KAZN: variants seen among roughly 807,000 people sequenced by gnomAD.
KAZN encodes the protein kazrin, periplakin interacting protein, also known as kazrin.
Under a neutral mutation model 87.4 loss-of-function variants are expected in KAZN, and 40 were observed. The observed-to-expected ratio is 0.46, with a 90% CI of 0.36 to 0.60. The LOEUF (loss-of-function observed/expected upper bound fraction) is 0.60, where lower values mean the gene tolerates loss of function less well. KAZN is among the 20% of genes least tolerant of loss of function. KAZN has a pLI of 0.00. For missense variants in KAZN, 898 were observed against 1,073.9 expected, an observed-to-expected ratio of 0.84 and a Z score of 2.29; for synonymous variants, 466 against 458.3, an observed-to-expected ratio of 1.02 and a Z score of -0.22.
At chr1:14,526,981 C>T (rs557052558) in intron 2 of KAZN, among the ~76,000 whole-genome samples, 1 of 152,324 alleles carries the variant, frequency 6.6e-6, no homozygotes, top group South Asian at 2.1e-4. Context: ...AAATTCAATC[C>T]TCCTCTTATA....
At chr1:14,743,095 A>T (rs1644157288) in intron 1 of KAZN, among the ~76,000 whole-genome samples, 1 of 152,170 alleles carries the variant, frequency 6.6e-6, no homozygotes, top group Admixed American at 6.5e-5. Flanking sequence ...AGGCATGAAG[A>T]GGCCAGGAGT....
intron 1 of KAZN, among the ~76,000 whole-genome samples, chr1:14,959,716 G>A (rs757430102): frequency 2.0e-4 from 30 of 152,214 alleles, no homozygotes; most frequent in South Asian, 1.0e-3. Context: ...GTAGCCTGGC[G>A]CCTGTGCACA....
chr1:14,463,895 G>A (rs972220633), intron 2 of KAZN, among the ~76,000 whole-genome samples: 1 of 152,200 alleles, frequency 6.6e-6, no homozygotes, highest in African/African-American at 2.4e-5. Flanking sequence ...TGGTGACCCA[G>A]GCATTCCCAG....
intron 1 of KAZN, among the ~76,000 whole-genome samples, chr1:14,157,187 T>G (rs1043490486): frequency 1.3e-5 from 2 of 152,196 alleles, no homozygotes; most frequent in Admixed American, 1.3e-4. Flanking sequence ...TATATCTTAT[T>G]GTACTGTCTA....
chr1:14,717,919 C>T (rs1314783200), intron 1 of KAZN, among the ~76,000 whole-genome samples: 4 of 152,216 alleles, frequency 2.6e-5, no homozygotes, highest in African/African-American at 9.6e-5. Flanking sequence ...ACCATCTTGC[C>T]TGCTGTTCCC....
At position 14,695,510 on chromosome 1, in the gene KAZN, C is replaced by CTTTTTTTTTTTTTTTTTTTTTTTTT. The variant is rs112667110; in HGVS notation, c.226+96302_226+96303insTTTTTTTTTTTTTTTTTTTTTTTTT. Among the ~76,000 whole-genome samples, 153 of 85,028 alleles carry CTTTTTTTTTTTTTTTTTTTTTTTTT rather than the reference C, an allele frequency of 1.8e-3. 16 individuals are homozygous for CTTTTTTTTTTTTTTTTTTTTTTTTT. Among genetic ancestry groups the CTTTTTTTTTTTTTTTTTTTTTTTTT allele is most frequent in the African/African-American group, 2.3e-3 (63 of 27,578 alleles). The allele number at this position is 85,028 out of a possible 152,430, so 55.8% of individuals were successfully genotyped here. A position where few individuals can be genotyped will look rare whatever the true frequency, so the allele number is the denominator to read the frequency against. On this transcript the variant is annotated intron_variant, in intron 1 of 14. Coordinates refer to ENST00000376030, the MANE Select transcript of KAZN (RefSeq NM_201628.3). ...CCTCTTTCCCCAGACTACATTCCATCTTTTTTTTTTTTTTTGATGGAGTCT... is the reference window on the plus strand; with the variant it reads ...CCTCTTTCCCCAGACTACATTCCATCTTTTTTTTTTTTTTTTTTTTTTTTTTTTTTTTTTTTTTTTGATGGAGTCT...
chr1:14,274,305 T>G (rs547619927), intron 2 of KAZN, among the ~76,000 whole-genome samples: 2 of 152,290 alleles, frequency 1.3e-5, no homozygotes, highest in South Asian at 4.1e-4. Context: ...TGCCTTAATG[T>G]TTTGTATCTC....
chr1:14,331,781 A>G (rs558364034), intron 2 of KAZN, among the ~76,000 whole-genome samples: 8 of 152,276 alleles, frequency 5.3e-5, no homozygotes, highest in Admixed American at 1.3e-4. Context: ...AGGAATAAAT[A>G]ACCATTTTCC....
At chr1:14,339,565 C>G (rs1657528888) in intron 2 of KAZN, among the ~76,000 whole-genome samples, 1 of 152,072 alleles carries the variant, frequency 6.6e-6, no homozygotes, top group Admixed American at 6.6e-5. Flanking sequence ...TGTTCGAGCT[C>G]AAAAGCAGGA....
intron 1 of KAZN, among the ~76,000 whole-genome samples, chr1:14,146,057 C>T (rs1645342322): frequency 6.6e-6 from 1 of 152,132 alleles, no homozygotes; most frequent in East Asian, 1.9e-4. Context: ...TTCTGAGGAT[C>T]TCTGTCCTCT....
At chr1:14,258,752 C>T (rs1007922527) in intron 2 of KAZN, among the ~76,000 whole-genome samples, 1 of 152,198 alleles carries the variant, frequency 6.6e-6, no homozygotes, top group African/African-American at 2.4e-5. Flanking sequence ...ACCTGTCTGT[C>T]AAGCCTCTGT....
intron 8 of KAZN, among the ~76,000 whole-genome samples, chr1:15,076,929 G>A (rs369144555): frequency 6.6e-6 from 1 of 152,278 alleles, no homozygotes; most frequent in African/African-American, 2.4e-5. Flanking sequence ...ACACTTACTC[G>A]CCTCATTTCA....
chr1:13,946,726 C>T (rs1570356762), intron 1 of KAZN, among the ~76,000 whole-genome samples: 1 of 152,154 alleles, frequency 6.6e-6, no homozygotes, highest in East Asian at 1.9e-4. Flanking sequence ...GTATTATGAT[C>T]CTGAGGTCAC....
intron 2 of KAZN, among the ~76,000 whole-genome samples, chr1:14,353,341 C>T (rs1172914987): frequency 3.0e-5 from 2 of 66,854 alleles, no homozygotes; most frequent in Non-Finnish European, 5.7e-5. Context: ...TCTCCTGCCT[C>T]AGCCTCCCAA....
chr1:14,375,844 C>T (rs944207370), intron 2 of KAZN, among the ~76,000 whole-genome samples: 10 of 151,854 alleles, frequency 6.6e-5, no homozygotes, highest in African/African-American at 9.7e-5. Context: ...GCGGAGATCA[C>T]GCCACTGCAC....
rs919046678 is a variant in KAZN at position 14,773,835 on chromosome 1, TC to T, written c.226+174616del. 1.7e-4 allele frequency among the ~76,000 whole-genome samples: 26 copies of T among 151,838 alleles called. No individual in the cohort carries two copies. Among genetic ancestry groups the T allele is most frequent in the Admixed American group, 1.4e-3 (22 of 15,250 alleles). ...CCAGGCCAGGCCTGCTCTCCTCCCC[TC>T]CCCTCCAAAGAAAACACCATCTTTC... On this transcript the variant is annotated intron_variant, in intron 1 of 14. Coordinates refer to ENST00000376030, the MANE Select transcript of KAZN (RefSeq NM_201628.3). The surrounding 1 kb of genome is among the most constrained non-coding windows in gnomAD (Gnocchi z 5.9).
chr1:14,851,812 G>A lies in KAZN; in HGVS notation c.227-108872G>A, dbSNP rs74059613. Among the ~76,000 whole-genome samples the A allele has an allele frequency of 1.3e-3, 202 of 152,244 alleles. 1 individual carries two copies. Among genetic ancestry groups the A allele is most frequent in the African/African-American group, 4.5e-3 (188 of 41,556 alleles). On this transcript the variant is annotated intron_variant, in intron 1 of 14. Transcript: ENST00000376030. ...ATGTCAGCTCTTCCTGACATTGGAC[G>A]CCTTCTCATAGCAGTCATCACACTG...
At chr1:14,517,160 C>T (rs1036513170) in intron 2 of KAZN, among the ~76,000 whole-genome samples, 3 of 151,980 alleles carry the variant, frequency 2.0e-5, no homozygotes, top group Admixed American at 6.6e-5. Context: ...CAGAGATGAC[C>T]GTGTGACCCA....
chr1:14,952,657 A>AG (rs1288406332), intron 1 of KAZN, among the ~76,000 whole-genome samples: 1 of 92,340 alleles, frequency 1.1e-5, no homozygotes, highest in Admixed American at 9.6e-5. Flanking sequence ...CTCCACTCAG[A>AG]GCCCCCCAAG....
Sources: gnomAD v4.1 joint callset for allele counts (sites outside exome capture counted in the v4.1 genomes callset) on GRCh38, gnomAD v4.1.1 for gene constraint, Gnocchi (gnomAD v3.1) non-coding constraint, MANE v1.5 for transcripts, NCBI Gene and HGNC (gene_info 2026-07-23, HGNC 2026-07-21) for gene names.